Variants in ADGRL4 observed in about 807,000 individuals in gnomAD.
ADGRL4 encodes the protein adhesion G protein-coupled receptor L4, also known as EGF, latrophilin and seven transmembrane domain containing 1.
Under a neutral mutation model 74.8 loss-of-function variants are expected in ADGRL4, and 90 were observed. That is an observed-to-expected ratio of 1.20 (90% confidence interval 1.02 to 1.43). ADGRL4 has a LOEUF of 1.43. Ranked by LOEUF, ADGRL4 falls within the 40% of genes most tolerant of loss-of-function variation. The pLI, the probability that ADGRL4 is intolerant of heterozygous loss-of-function variation, is 0.00. For missense variants in ADGRL4, 881 were observed against 814.3 expected (o/e 1.08, Z -1.00); for synonymous variants, 311 against 279.2 (o/e 1.11, Z -1.14).
Position 78,927,021 on chromosome 1 carries a change from TAAG to T in ADGRL4, c.945_947del (p.Phe315del). Reference sequence around the variant, plus strand: ...AATTATCATAATTTTGAGGTTTCAATAAGAAGTTGTCAGATGATGAAAGCAAAG... The same window carrying T: ...AATTATCATAATTTTGAGGTTTCAATAAGTTGTCAGATGATGAAAGCAAAG... On this transcript the variant is annotated inframe_deletion, in exon 8 of 15. Coordinates refer to ENST00000370742, the MANE Select transcript of ADGRL4 (RefSeq NM_022159.4). 6.8e-6 allele frequency: 11 copies of T among 1,610,768 alleles called. No homozygotes were observed. Among genetic ancestry groups the T allele is most frequent in the Non-Finnish European group, 8.5e-6 (10 of 1,177,800 alleles).
At chr1:78,981,225 T>TCAATAGATC (rs1650392024) in intron 2 of ADGRL4, among the ~76,000 whole-genome samples, 1 of 151,786 alleles carries the variant, frequency 6.6e-6, no homozygotes, top group Non-Finnish European at 1.5e-5. Flanking sequence ...ATCAACTGAT[T>TCAATAGATC]AATGAAATGA....
chr1:78,920,556 C>G (rs1332330620), intron 9 of ADGRL4, among the ~76,000 whole-genome samples, 170 bp from the exon 10 acceptor site: 1 of 151,726 alleles, frequency 6.6e-6, no homozygotes, highest in Non-Finnish European at 1.5e-5. Flanking sequence ...TTTTGAAAAT[C>G]CTCAATATCC....
At position 78,918,027 on chromosome 1, in the gene ADGRL4, T is replaced by C. The variant is rs1337155104; in HGVS notation, c.1485A>G (p.Gly495=). 1 of 1,610,092 alleles carries C rather than the reference T, an allele frequency of 6.2e-7. No individual in the cohort carries two copies. Among genetic ancestry groups the C allele is most frequent in the South Asian group, 1.1e-5 (1 of 90,852 alleles). Residue 495 remains glycine, a synonymous_variant, in exon 11 of 15, where the codon GGA becomes GGG. Coordinates refer to ENST00000370742, the MANE Select transcript of ADGRL4 (RefSeq NM_022159.4). ...TNKLFCSIIA[G]LLHYFFLAAF... ...CAGCTAAAAAGAAGTAGTGTAGCAG[T>C]CCGGCAATGATTGAACAGAAGAGCT... is the stretch of plus-strand genomic sequence containing the variant.
At chr1:78,955,664 A>C (rs1649813998) in intron 2 of ADGRL4, among the ~76,000 whole-genome samples, 3 of 151,948 alleles carry the variant, frequency 2.0e-5, no homozygotes, top group Non-Finnish European at 4.4e-5. Flanking sequence ...TTTCATCATT[A>C]TTTTTGCGTA....
chr1:78,948,254 G>A (rs1029094105), intron 2 of ADGRL4, among the ~76,000 whole-genome samples: 2 of 152,214 alleles, frequency 1.3e-5, no homozygotes, highest in African/African-American at 4.8e-5. Flanking sequence ...TTCTCCTGGA[G>A]ACCAACAACT....
intron 12 of ADGRL4, among the ~76,000 whole-genome samples, chr1:78,913,013 A>G (rs1648795996): frequency 6.6e-6 from 1 of 151,936 alleles, no homozygotes; most frequent in Non-Finnish European, 1.5e-5. Context: ...AGACATACAC[A>G]TGGCCAACAA....
chr1:78,953,434 T>C (rs190559029), intron 2 of ADGRL4, among the ~76,000 whole-genome samples: 1 of 152,264 alleles, frequency 6.6e-6, no homozygotes, highest in East Asian at 1.9e-4. Flanking sequence ...AAGCTGCTAG[T>C]TCACAAACGA....
At chr1:78,967,988 G>A (rs1457788530) in intron 2 of ADGRL4, among the ~76,000 whole-genome samples, 1 of 152,042 alleles carries the variant, frequency 6.6e-6, no homozygotes, top group East Asian at 1.9e-4. Flanking sequence ...GAGGGTGCTT[G>A]GAGTGTCCAG....
intron 2 of ADGRL4, among the ~76,000 whole-genome samples, chr1:78,976,797 A>G (rs1468909829): frequency 8.4e-6 from 1 of 119,382 alleles, no homozygotes; most frequent in Non-Finnish European, 1.8e-5. Flanking sequence ...GCCTTCCAAG[A>G]AAAAAAAAAA....
chr1:78,991,058 CA>C (rs529188869), intron 2 of ADGRL4, among the ~76,000 whole-genome samples: 157 of 152,080 alleles, frequency 1.0e-3, no homozygotes, highest in African/African-American at 3.6e-3. Flanking sequence ...CTTTAATTAT[CA>C]AAAATGCATA....
At chr1:78,959,502 C>T (rs1649901852) in intron 2 of ADGRL4, among the ~76,000 whole-genome samples, 1 of 152,144 alleles carries the variant, frequency 6.6e-6, no homozygotes, top group African/African-American at 2.4e-5. Context: ...AAAACACATT[C>T]ATAGCATCCT....
chr1:78,993,245 T>C (rs1289370212), intron 2 of ADGRL4, among the ~76,000 whole-genome samples: 1 of 152,302 alleles, frequency 6.6e-6, no homozygotes, highest in Admixed American at 6.5e-5. Flanking sequence ...AGTTGGTTTA[T>C]GTGATCATGC....
intron 12 of ADGRL4, among the ~76,000 whole-genome samples, chr1:78,899,623 G>T (rs974319078): frequency 4.6e-5 from 7 of 152,138 alleles, no homozygotes; most frequent in African/African-American, 1.7e-4. Context: ...CCAAAGTGCT[G>T]GGAATACAGG....
rs144816161 is a variant in ADGRL4 at position 78,901,773 on chromosome 1, T to A, written c.1750-8584A>T. ...ACCCCCACATATAGCTACATGACAC[T>A]GCTAGGAAGCGTCTCTCTGCTAACA... On this transcript the variant is annotated intron_variant, in intron 12 of 14. Coordinates refer to ENST00000370742, the MANE Select transcript of ADGRL4 (RefSeq NM_022159.4). Among the ~76,000 whole-genome samples the A allele has an allele frequency of 6.7e-3, 1,021 of 152,280 alleles. 11 individuals carry two copies. Among genetic ancestry groups the A allele is most frequent in the African/African-American group, 0.023 (951 of 41,562 alleles).
intron 10 of ADGRL4, 112 bp from the exon 11 acceptor site, chr1:78,918,162 T>A: frequency 1.3e-6 from 1 of 762,180 alleles, no homozygotes; most frequent in Non-Finnish European, 2.1e-6. Context: ...CTATAAAGTA[T>A]GCCACTTTAT....
In ADGRL4 at chr1:78,889,875, G is replaced by A. The variant is rs1390499919; in HGVS notation, c.*1279C>T. The stretch of plus-strand genomic sequence containing the variant: ...TTAGTGTATTGGCACACTTTTACAG[G>A]TCGGCAAAGAAAAATTACCTATTTT... On this transcript the variant is annotated 3_prime_UTR_variant, in exon 15 of 15. Coordinates refer to ENST00000370742, the MANE Select transcript of ADGRL4 (RefSeq NM_022159.4). 1 of 446,590 alleles carries A rather than the reference G, an allele frequency of 2.2e-6. No individual in the cohort carries two copies. Among genetic ancestry groups the A allele is most frequent in the African/African-American group, 2.1e-5 (1 of 48,780 alleles). The allele number at this position is 446,590 out of a possible 1,614,324, so 27.7% of individuals were successfully genotyped here. A position where few individuals can be genotyped will look rare whatever the true frequency, so the allele number is the denominator to read the frequency against.
intron 2 of ADGRL4, among the ~76,000 whole-genome samples, chr1:78,959,838 A>G (rs1649908715): frequency 6.6e-6 from 1 of 152,178 alleles, no homozygotes; most frequent in Admixed American, 6.6e-5. Flanking sequence ...AAAGGTGGCC[A>G]TATATTTTCC....
intron 7 of ADGRL4, 108 bp from the exon 8 acceptor site, chr1:78,927,199 T>G: frequency 1.4e-6 from 1 of 725,666 alleles, no homozygotes; most frequent in Admixed American, 2.8e-5. Flanking sequence ...CTTTAGAAAT[T>G]TATACAAATC....
chr1:78,945,739 T>G (rs2100695053), intron 3 of ADGRL4, among the ~76,000 whole-genome samples: 1 of 152,260 alleles, frequency 6.6e-6, no homozygotes, highest in East Asian at 1.9e-4. Context: ...CCCTACATGA[T>G]TTTATAAAGA....
Sources: gnomAD v4.1 joint callset for allele counts (sites outside exome capture counted in the v4.1 genomes callset) on GRCh38, gnomAD v4.1.1 for gene constraint, MANE v1.5 for transcripts, NCBI Gene and HGNC (gene_info 2026-07-23, HGNC 2026-07-21) for gene names.